The following RELB variants were observed in gnomAD, a reference collection of about 807,000 sequenced individuals.
RELB encodes transcription factor RelB.
RELB carries 14 observed loss-of-function variants against 55.4 expected under a neutral mutation model. The observed-to-expected ratio is 0.25, with a 90% CI of 0.17 to 0.40. RELB has a LOEUF of 0.40. Among genes scored for constraint, RELB ranks in the 10% least tolerant of loss-of-function variants. The probability of loss-of-function intolerance (pLI) is 1.00; values close to 1 mark genes in which losing one functional copy is unlikely to be tolerated. For missense variants in RELB, 669 were observed against 830.7 expected (o/e 0.81, Z 2.39); for synonymous variants, 409 against 371.3 (o/e 1.10, Z -1.17).
intron 8 of RELB, among the ~76,000 whole-genome samples, chr19:45,031,709 G>A (rs1255193229): frequency 6.6e-6 from 1 of 151,842 alleles, no homozygotes; most frequent in Non-Finnish European, 1.5e-5. Flanking sequence ...CTGAGTAGCT[G>A]GGACTACAGG....
At position 45,028,709 on chromosome 19, in the gene RELB, C is replaced by T. The variant is rs570427000; in HGVS notation, c.887-179C>T. Among the ~76,000 whole-genome samples the T allele has an allele frequency of 1.5e-3, 222 of 152,302 alleles. 2 individuals carry two copies. The highest frequency in any genetic ancestry group is 5.0e-3 in the African/African-American group (208 of 41,576). On this transcript the variant is annotated intron_variant, in intron 7 of 11. Coordinates refer to ENST00000221452, the MANE Select transcript of RELB (RefSeq NM_006509.4). ...GCGATTGTTCGTTAACCCCTTCTGT[C>T]CGAGTGACTTCTTTCTCCACCTGGA...
intron 5 of RELB, 57 bp downstream of exon 5, chr19:45,022,267 T>C: frequency 6.7e-7 from 1 of 1,491,080 alleles, no homozygotes; most frequent in Non-Finnish European, 9.0e-7. Context: ...TCTAAGCGAC[T>C]GGAGGCCACC....
chr19:45,003,114 G>A, intron 2 of RELB, 118 bp downstream of exon 2: 1 of 952,766 alleles, frequency 1.0e-6, no homozygotes. Flanking sequence ...CTCCTGACAG[G>A]GTGCATCCCT....
In RELB at chr19:45,038,011, G is replaced by A. The variant is rs894505399; in HGVS notation, c.*221G>A. 8 of 432,168 alleles carry A rather than the reference G, an allele frequency of 1.9e-5. No individual in the cohort carries two copies. The highest frequency in any genetic ancestry group is 8.2e-5 in the Admixed American group (2 of 24,336). 26.8% of individuals were successfully genotyped at this position (432,168 alleles called of 1,614,324 possible). ...GGAGAGGAAAAGGGACATGGCTCCC[G>A]TGCACTAGCTTGTTACAGCTGCCTC... On this transcript the variant is annotated 3_prime_UTR_variant, in exon 12 of 12. Transcript: ENST00000221452.
Position 45,003,006 on chromosome 19 carries a change from C to G in RELB, c.154+10C>G, listed in dbSNP as rs374471242. 1.9e-4 allele frequency: 305 copies of G among 1,611,960 alleles called. No homozygotes were observed. Among genetic ancestry groups the G allele is most frequent in the Non-Finnish European group, 2.5e-4 (294 of 1,179,224 alleles). ...GTTTCCAGGAGCACAGGTGAGCAGC[C>G]CTCCACAGTTCCTGCCCACTCGCTC... On this transcript the variant is annotated intron_variant, in intron 2 of 11. Transcript: ENST00000221452.
At chr19:45,008,063 G>T (rs531438766) in intron 2 of RELB, among the ~76,000 whole-genome samples, 1 of 144,080 alleles carries the variant, frequency 6.9e-6, no homozygotes, top group African/African-American at 2.6e-5. Context: ...TCAGCTACTC[G>T]GGAGGCTGAG....
At chr19:45,033,480 T>C (rs1971649637) in intron 9 of RELB, among the ~76,000 whole-genome samples, 1 of 150,498 alleles carries the variant, frequency 6.6e-6, no homozygotes, top group Non-Finnish European at 1.5e-5. Context: ...AGGTTAGGAG[T>C]TCGAGACCAG....
At position 45,038,075 on chromosome 19, in the gene RELB, G is replaced by C. The variant is rs566184489; in HGVS notation, c.*285G>C. The stretch of plus-strand genomic sequence containing the variant: ...GGGGGCACCTTCTCCAGTAGGATTC[G>C]GAAAAGATTGTACATATGGGAGGAG... On this transcript the variant is annotated 3_prime_UTR_variant, in exon 12 of 12. Coordinates refer to ENST00000221452, the MANE Select transcript of RELB (RefSeq NM_006509.4). The C allele has an allele frequency of 8.4e-6, 3 of 358,114 alleles. No homozygotes were observed. The highest frequency in any genetic ancestry group is 2.1e-5 in the African/African-American group (1 of 47,716). 22.2% of individuals were successfully genotyped at this position (358,114 alleles called of 1,614,324 possible).
At chr19:45,007,009 C>G (rs985657390) in intron 2 of RELB, among the ~76,000 whole-genome samples, 11 of 149,906 alleles carry the variant, frequency 7.3e-5, no homozygotes, top group African/African-American at 2.7e-4. Context: ...CTTTGAGGGA[C>G]TGGAGTGGGG....
At position 45,003,382 on chromosome 19, in the gene RELB, G is replaced by A. The variant is rs554685348; in HGVS notation, c.154+386G>A. Among the ~76,000 whole-genome samples, 5 of 151,208 alleles carry A rather than the reference G, an allele frequency of 3.3e-5. No homozygotes were observed. In the South Asian group the frequency reaches 1.0e-3, roughly 31 times the overall value. ...CCCAGCTACTCGGGAGGCTGAGGCA[G>A]GAGAATGGCGTGAACCTGGGAGGCG... On this transcript the variant is annotated intron_variant, in intron 2 of 11. Transcript: ENST00000221452.
intron 7 of RELB, among the ~76,000 whole-genome samples, chr19:45,028,257 C>T (rs972149189): frequency 2.0e-5 from 3 of 151,758 alleles, no homozygotes; most frequent in South Asian, 2.1e-4. Context: ...TCTGGCCTCA[C>T]GTGATCTTCC....
chr19:45,032,793 G>C (rs1160108498), intron 9 of RELB, 44 bp downstream of exon 9: 8 of 1,529,512 alleles, frequency 5.2e-6, no homozygotes, highest in African/African-American at 2.7e-5. Context: ...CGGAGACTAG[G>C]TCTTTGGCCT....
chr19:45,011,456 C>T (rs1971349946), intron 3 of RELB, among the ~76,000 whole-genome samples: 1 of 151,920 alleles, frequency 6.6e-6, no homozygotes, highest in African/African-American at 2.4e-5. Context: ...GCCACCGCGC[C>T]CAGCCTATTA....
chr19:45,028,765 C>T (rs1490498625), intron 7 of RELB, 123 bp from the exon 8 acceptor site: 1 of 686,948 alleles, frequency 1.5e-6, no homozygotes, highest in East Asian at 2.7e-5. Flanking sequence ...AGATGCCCTG[C>T]CTTTTCAATT....
intron 3 of RELB, among the ~76,000 whole-genome samples, chr19:45,011,266 G>A (rs1328177230): frequency 2.0e-5 from 3 of 152,144 alleles, no homozygotes; most frequent in Admixed American, 6.6e-5. Context: ...GGTTTCAAGC[G>A]ATTCTCCTGC....
chr19:45,031,210 G>T (rs1299671097), intron 8 of RELB, among the ~76,000 whole-genome samples: 9 of 146,778 alleles, frequency 6.1e-5, no homozygotes, highest in East Asian at 4.0e-4. Context: ...TTCCGTTTTT[G>T]TTTTTTTTTT....
intron 8 of RELB, among the ~76,000 whole-genome samples, chr19:45,031,592 T>C (rs966910261): frequency 6.6e-6 from 1 of 152,142 alleles, no homozygotes; most frequent in Non-Finnish European, 1.5e-5. Context: ...GTTTGTTTGT[T>C]TGAGGCGGAG....
chr19:45,036,652 A>G (rs764747879), intron 11 of RELB, among the ~76,000 whole-genome samples: 27 of 151,994 alleles, frequency 1.8e-4, no homozygotes, highest in Non-Finnish European at 3.7e-4. Flanking sequence ...TGAGCCTTCC[A>G]TTTACTTTCC....
rs770578374 is a variant in RELB at position 45,037,737 on chromosome 19, C to G, written c.1687C>G (p.Arg563Gly). 6.7e-7 allele frequency: 1 copy of G among 1,495,300 alleles called. No individual in the cohort carries two copies. The highest frequency in any genetic ancestry group is 8.9e-7 in the Non-Finnish European group (1 of 1,125,620). The allele number at this position is 1,495,300 out of a possible 1,614,324, so 92.6% of individuals were successfully genotyped here. A position where few individuals can be genotyped will look rare whatever the true frequency, so the allele number is the denominator to read the frequency against. The change falls in exon 12 of 12, where the codon CGC becomes GGC. Residue 563 changes from arginine to glycine, a missense_variant. This residue lies in a region of RELB where 341 missense variants were observed against 436.8 expected (regional missense o/e 0.78). Transcript: ENST00000221452. ...CAGCAACATGTTCCCCAATCATTACCGCGAGGCGGCCTTTGGGGGCGGCCT... is the reference window on the plus strand; with the variant it reads ...CAGCAACATGTTCCCCAATCATTACGGCGAGGCGGCCTTTGGGGGCGGCCT... ...VGSNMFPNHY[R>G]EAAFGGGLLS...
Sources: gnomAD v4.1 joint callset for allele counts (sites outside exome capture counted in the v4.1 genomes callset) on GRCh38, gnomAD v4.1.1 for gene constraint, gnomAD v4.1.1 regional missense constraint, MANE v1.5 for transcripts, NCBI Gene and HGNC (gene_info 2026-07-23, HGNC 2026-07-21) for gene names.